Variants in UBE2E2 observed in about 807,000 individuals in gnomAD.
The protein encoded by UBE2E2 is ubiquitin conjugating enzyme E2 E2, also known as ubiquitin-conjugating enzyme E2 E2.
UBE2E2 carries 6 observed loss-of-function variants against 24.7 expected under a neutral mutation model. The observed-to-expected ratio is 0.24, with a 90% CI of 0.13 to 0.48. UBE2E2 has a LOEUF of 0.48. Among genes scored for constraint, UBE2E2 ranks in the 20% least tolerant of loss-of-function variants. UBE2E2 has a pLI of 0.99. For missense variants in UBE2E2, 169 were observed against 245.0 expected, an observed-to-expected ratio of 0.69 and a Z score of 2.07; for synonymous variants, 104 against 83.6, an observed-to-expected ratio of 1.24 and a Z score of -1.33.
At chr3:23,374,653 A>G (rs1354292028) in intron 3 of UBE2E2, among the ~76,000 whole-genome samples, 1 of 152,182 alleles carries the variant, frequency 6.6e-6, no homozygotes, top group East Asian at 1.9e-4. Flanking sequence ...CCAATTAAAA[A>G]TCATTATCTT....
At chr3:23,415,684 A>G (rs549183356) in intron 3 of UBE2E2, among the ~76,000 whole-genome samples, 2 of 152,214 alleles carry the variant, frequency 1.3e-5, no homozygotes, top group African/African-American at 4.8e-5. Context: ...GAATTTGCTG[A>G]CTTTTTGTAG....
intron 3 of UBE2E2, among the ~76,000 whole-genome samples, chr3:23,246,016 A>G (rs1697385351): frequency 6.6e-6 from 1 of 152,192 alleles, no homozygotes; most frequent in East Asian, 1.9e-4. Flanking sequence ...TAAGTTGTTG[A>G]AAATAATCAA....
intron 3 of UBE2E2, among the ~76,000 whole-genome samples, chr3:23,271,350 C>A (rs1479552585): frequency 1.3e-5 from 2 of 152,302 alleles, no homozygotes; most frequent in Middle Eastern, 6.8e-3. Context: ...AAGCTACAGA[C>A]CTTCACGGTG....
At chr3:23,540,151 A>G (rs2125491490) in intron 5 of UBE2E2, among the ~76,000 whole-genome samples, 1 of 151,042 alleles carries the variant, frequency 6.6e-6, no homozygotes, top group African/African-American at 2.4e-5. Context: ...GCAGCTTCGA[A>G]CTCCTGCACT....
At chr3:23,531,562 G>T (rs1195684307) in intron 4 of UBE2E2, among the ~76,000 whole-genome samples, 1 of 152,036 alleles carries the variant, frequency 6.6e-6, no homozygotes, top group African/African-American at 2.4e-5. Flanking sequence ...AGCATACAGT[G>T]GTGATCTAGC....
intron 3 of UBE2E2, among the ~76,000 whole-genome samples, chr3:23,478,982 C>T (rs909998436): frequency 6.6e-6 from 1 of 151,982 alleles, no homozygotes; most frequent in African/African-American, 2.4e-5. Context: ...TGCTTGAGCC[C>T]AGGAGATGGA....
At chr3:23,329,303 G>A (rs557218798) in intron 3 of UBE2E2, among the ~76,000 whole-genome samples, 62 of 152,246 alleles carry the variant, frequency 4.1e-4, no homozygotes, top group African/African-American at 1.4e-3. Context: ...TCCACTGAGT[G>A]AACATTCAAT....
chr3:23,326,049 A>T (rs887016074), intron 3 of UBE2E2, among the ~76,000 whole-genome samples: 2 of 152,178 alleles, frequency 1.3e-5, no homozygotes, highest in African/African-American at 4.8e-5. Flanking sequence ...CTTCTTGTAG[A>T]TACATGCTTT....
intron 3 of UBE2E2, among the ~76,000 whole-genome samples, chr3:23,250,829 T>G (rs903730145): frequency 1.3e-5 from 2 of 152,160 alleles, no homozygotes; most frequent in African/African-American, 4.8e-5. Flanking sequence ...GCTTCTGATA[T>G]GGGTAATTTC....
chr3:23,356,740 C>A (rs934911052), intron 3 of UBE2E2, among the ~76,000 whole-genome samples: 2 of 152,176 alleles, frequency 1.3e-5, no homozygotes, highest in African/African-American at 4.8e-5. Context: ...AACACTAAAT[C>A]TCTGTTGTCA....
At chr3:23,574,794 T>C (rs1696309435) in intron 5 of UBE2E2, among the ~76,000 whole-genome samples, 1 of 152,122 alleles carries the variant, frequency 6.6e-6, no homozygotes, top group Non-Finnish European at 1.5e-5. Context: ...ACATTTTTAT[T>C]TCTAATACTT....
At chr3:23,307,090 G>T (rs969911373) in intron 3 of UBE2E2, among the ~76,000 whole-genome samples, 3 of 152,166 alleles carry the variant, frequency 2.0e-5, no homozygotes, top group African/African-American at 7.2e-5. Flanking sequence ...TCAAAGAAAT[G>T]TAAAGAGTAT....
intron 3 of UBE2E2, among the ~76,000 whole-genome samples, chr3:23,458,919 C>A (rs542597489): frequency 6.6e-6 from 1 of 152,076 alleles, no homozygotes; most frequent in South Asian, 2.1e-4. Flanking sequence ...AAACAAAGGG[C>A]AATAAAACAC....
intron 5 of UBE2E2, among the ~76,000 whole-genome samples, chr3:23,542,894 C>T (rs903663013): frequency 6.6e-6 from 1 of 152,156 alleles, no homozygotes; most frequent in African/African-American, 2.4e-5. Context: ...TTTTGCTTAG[C>T]ATTTCCCTAT....
At chr3:23,385,128 T>C (rs13326048) in intron 3 of UBE2E2, among the ~76,000 whole-genome samples, 60,461 of 151,976 alleles carry the variant, frequency 0.4, 12,485 homozygotes, top group Admixed American at 0.54. Flanking sequence ...GGTTGTTAAC[T>C]GCTTTAAAGA....
intron 3 of UBE2E2, among the ~76,000 whole-genome samples, chr3:23,386,875 G>A (rs1019293482): frequency 6.6e-6 from 1 of 152,162 alleles, no homozygotes; most frequent in African/African-American, 2.4e-5. Flanking sequence ...GTGACCTGTT[G>A]TCAGAACCCA....
At chr3:23,465,265 A>G (rs947307776) in intron 3 of UBE2E2, among the ~76,000 whole-genome samples, 3 of 152,212 alleles carry the variant, frequency 2.0e-5, no homozygotes, top group African/African-American at 7.2e-5. Flanking sequence ...TAAGTGGCCA[A>G]ATGAAGACTG....
At chr3:23,539,957 C>A (rs1353655705) in intron 5 of UBE2E2, among the ~76,000 whole-genome samples, 1 of 152,116 alleles carries the variant, frequency 6.6e-6, no homozygotes, top group Non-Finnish European at 1.5e-5. Context: ...CACACATTCA[C>A]AAAAAATAGA....
chr3:23,471,684 G>A (rs1699035071), intron 3 of UBE2E2, among the ~76,000 whole-genome samples: 1 of 152,222 alleles, frequency 6.6e-6, no homozygotes, highest in Admixed American at 6.5e-5. Flanking sequence ...AACCAAAGTT[G>A]TCTTCCAGAA....
Sources: allele counts gnomAD v4.1 joint callset (sites outside exome capture counted in the v4.1 genomes callset), GRCh38; gene constraint gnomAD v4.1.1; transcripts MANE v1.5; gene names NCBI Gene and HGNC (gene_info 2026-07-23, HGNC 2026-07-21).